The following GPC6 variants were observed in gnomAD, a reference collection of about 807,000 sequenced individuals.
The protein encoded by GPC6 is glypican 6, also known as glypican-6.
Under a neutral mutation model 55.2 loss-of-function variants are expected in GPC6, and 14 were observed. The observed-to-expected ratio is 0.25, with a 90% CI of 0.17 to 0.40. The LOEUF is 0.40. Ranked by LOEUF, GPC6 falls within the 10% of genes least tolerant of loss-of-function variation. GPC6 has a pLI of 1.00. For synonymous variants in GPC6, 278 were observed against 259.6 expected (o/e 1.07, Z -0.68); for missense variants, 641 against 708.5 (o/e 0.90, Z 1.08).
intron 6 of GPC6, chr13:94,306,388 A>T (rs1875950523): frequency 4.1e-6 from 2 of 493,394 alleles, no homozygotes; most frequent in African/African-American, 3.9e-5. Context: ...TTTCTCATGA[A>T]ATATTAATTT....
At chr13:93,688,923 A>G (rs1882152284) in intron 2 of GPC6, among the ~76,000 whole-genome samples, 1 of 152,014 alleles carries the variant, frequency 6.6e-6, no homozygotes, top group African/African-American at 2.4e-5. Context: ...GGTAAATTTT[A>G]TGTTAATTAT....
rs917605688 is a variant in GPC6 at position 93,495,930 on chromosome 13, T to G, written c.161-49333T>G. Among the ~76,000 whole-genome samples the G allele has an allele frequency of 6.7e-5, 10 of 148,546 alleles. No homozygotes were observed. The South Asian group carries it at 1.3e-3, about 20-fold the overall frequency. ...GGAGAACCACTGCTCTCTTCAAAGC[T>G]GTCAGACAGGGACATTTAAGTCTGC... On this transcript the variant is annotated intron_variant, in intron 1 of 8. Transcript: ENST00000377047.
intron 1 of GPC6, among the ~76,000 whole-genome samples, chr13:93,372,598 T>C (rs565211496): frequency 1.3e-5 from 2 of 152,182 alleles, no homozygotes; most frequent in Non-Finnish European, 2.9e-5. Flanking sequence ...ACTTTATTCA[T>C]AGAACCAAAA....
chr13:93,310,504 T>C (rs1337648408), intron 1 of GPC6, among the ~76,000 whole-genome samples: 2 of 152,202 alleles, frequency 1.3e-5, no homozygotes, highest in East Asian at 1.9e-4. Flanking sequence ...TGTCATGAAC[T>C]TGTAGTGATT....
chr13:94,146,201 T>G (rs1197049031), intron 4 of GPC6, among the ~76,000 whole-genome samples: 2 of 152,168 alleles, frequency 1.3e-5, no homozygotes, highest in Non-Finnish European at 2.9e-5. Flanking sequence ...GTTATCCACC[T>G]TTGTATCCTG....
chr13:93,708,761 T>C (rs1327375387), intron 2 of GPC6, among the ~76,000 whole-genome samples: 4 of 151,844 alleles, frequency 2.6e-5, no homozygotes, highest in African/African-American at 9.6e-5. Flanking sequence ...CCACTAAGAT[T>C]GACACTTCAG....
At chr13:93,400,590 TAA>T (rs1876034686) in intron 1 of GPC6, among the ~76,000 whole-genome samples, 1 of 152,098 alleles carries the variant, frequency 6.6e-6, no homozygotes, top group South Asian at 2.1e-4. Context: ...TTAAAATAAC[TAA>T]AAGAGTATAA....
chr13:93,482,898 G>T (rs988838987), intron 1 of GPC6, among the ~76,000 whole-genome samples: 4 of 152,028 alleles, frequency 2.6e-5, no homozygotes, highest in Non-Finnish European at 5.9e-5. Flanking sequence ...TCTTTGTTAC[G>T]TGCATTTTTG....
In GPC6 at chr13:93,332,141, G is replaced by A. The variant is rs548808435; in HGVS notation, c.160+104525G>A. Among the ~76,000 whole-genome samples, 16 of 152,040 alleles carry A rather than the reference G, an allele frequency of 1.1e-4. No homozygotes were observed. The South Asian group carries it at 1.2e-3, about 12-fold the overall frequency. ...ACTTGGTTGATTCCATATTTTAGCC[G>A]TAGTGAATAGTGCAACAATAAACAT... On this transcript the variant is annotated intron_variant, in intron 1 of 8. Transcript: ENST00000377047.
At chr13:93,823,873 T>TAATA (rs1555334103) in intron 2 of GPC6, among the ~76,000 whole-genome samples, 1 of 152,144 alleles carries the variant, frequency 6.6e-6, no homozygotes, top group Non-Finnish European at 1.5e-5. Flanking sequence ...ATAATACTTA[T>TAATA]AATAAACTTA....
At chr13:93,759,811 T>C (rs1884899551) in intron 2 of GPC6, among the ~76,000 whole-genome samples, 1 of 152,012 alleles carries the variant, frequency 6.6e-6, no homozygotes, top group Non-Finnish European at 1.5e-5. Flanking sequence ...GGCAGAAAGG[T>C]AGGCTGTTCT....
At chr13:94,360,912 C>T (rs1364651461) in intron 6 of GPC6, among the ~76,000 whole-genome samples, 1 of 152,156 alleles carries the variant, frequency 6.6e-6, no homozygotes, top group Non-Finnish European at 1.5e-5. Context: ...CAAGAGACTT[C>T]ACTCTTCACT....
intron 4 of GPC6, among the ~76,000 whole-genome samples, chr13:94,067,822 C>G (rs961299168): frequency 6.6e-6 from 1 of 152,118 alleles, no homozygotes; most frequent in Non-Finnish European, 1.5e-5. Flanking sequence ...AGGGTGGAAG[C>G]AGAACTCATA....
intron 4 of GPC6, among the ~76,000 whole-genome samples, chr13:94,230,144 G>T (rs1346137737): frequency 6.6e-6 from 1 of 152,080 alleles, no homozygotes; most frequent in African/African-American, 2.4e-5. Context: ...TCCTCATGGG[G>T]TCACTGGAAG....
chr13:93,826,048 C>T (rs186219351), intron 2 of GPC6, among the ~76,000 whole-genome samples: 13 of 151,496 alleles, frequency 8.6e-5, no homozygotes, highest in Non-Finnish European at 1.8e-4. Flanking sequence ...TTAGTAGAGA[C>T]GGGGTTTCAC....
intron 1 of GPC6, among the ~76,000 whole-genome samples, chr13:93,347,777 T>G (rs1880480978): frequency 6.6e-6 from 1 of 152,148 alleles, no homozygotes; most frequent in Non-Finnish European, 1.5e-5. Flanking sequence ...GAGAGGTGAT[T>G]ATATGAAAGT....
intron 2 of GPC6, among the ~76,000 whole-genome samples, chr13:93,770,828 C>T (rs1019737561): frequency 5.3e-5 from 8 of 152,128 alleles, no homozygotes; most frequent in Admixed American, 6.6e-5. Flanking sequence ...ATCCTTTTCT[C>T]CCCCATACTT....
intron 1 of GPC6, among the ~76,000 whole-genome samples, chr13:93,392,470 G>A (rs771320849): frequency 6.6e-6 from 1 of 152,062 alleles, no homozygotes; most frequent in South Asian, 2.1e-4. Flanking sequence ...CTTAATTATC[G>A]ATTTTCTACT....
At chr13:93,989,541 G>A (rs1304789700) in intron 3 of GPC6, among the ~76,000 whole-genome samples, 1 of 152,118 alleles carries the variant, frequency 6.6e-6, no homozygotes. Flanking sequence ...GTTTTTAAAA[G>A]GATTCTAAGA....
Sources: allele counts gnomAD v4.1 joint callset (sites outside exome capture counted in the v4.1 genomes callset), GRCh38; gene constraint gnomAD v4.1.1; transcripts MANE v1.5; gene names NCBI Gene and HGNC (gene_info 2026-07-23, HGNC 2026-07-21).